TBC1D19: variants seen among roughly 807,000 people sequenced by gnomAD.
The protein encoded by TBC1D19 is TBC1 domain family, member 19.
TBC1D19 carries 60 observed loss-of-function variants against 89.0 expected under a neutral mutation model. The observed-to-expected ratio is 0.67, with a 90% CI of 0.55 to 0.84. The LOEUF is 0.84. Ranked by LOEUF, TBC1D19 falls within the 40% of genes least tolerant of loss-of-function variation. The probability of loss-of-function intolerance (pLI) is 0.00; values close to 1 mark genes in which losing one functional copy is unlikely to be tolerated. For synonymous variants in TBC1D19, 189 were observed against 199.7 expected (o/e 0.95, Z 0.45); for missense variants, 500 against 610.8 (o/e 0.82, Z 1.91).
chr4:26,803,176 A>C, the TBC1D19 span, among the ~76,000 whole-genome samples: 1 of 152,192 alleles, frequency 6.6e-6, no homozygotes, highest in Non-Finnish European at 1.5e-5. Flanking sequence ...CCAAGGATGC[A>C]TTGGGGGTAC....
intron 1 of TBC1D19, among the ~76,000 whole-genome samples, chr4:26,590,807 T>TG (rs1739734568): frequency 8.4e-6 from 1 of 119,656 alleles, no homozygotes. Context: ...TTTTTTTTTT[T>TG]TTTTTTTTTT....
chr4:26,579,503 T>A (rs565838805), upstream of TBC1D19, among the ~76,000 whole-genome samples: 38 of 152,054 alleles, frequency 2.5e-4, 1 homozygote, highest in East Asian at 3.9e-3. Context: ...TTTTTTTTTT[T>A]AAATTTTACT....
intron 7 of TBC1D19, among the ~76,000 whole-genome samples, chr4:26,653,392 T>C (rs1744547179): frequency 6.6e-6 from 1 of 152,108 alleles, no homozygotes; most frequent in Non-Finnish European, 1.5e-5. Context: ...GTCCGCTTGG[T>C]GCAGAGCTGA....
chr4:26,704,865 C>T (rs753823861), intron 13 of TBC1D19, among the ~76,000 whole-genome samples: 1 of 152,056 alleles, frequency 6.6e-6, no homozygotes. Flanking sequence ...AGTGACTATA[C>T]CATTTTATAT....
At chr4:26,678,448 T>C (rs1038893325) in intron 11 of TBC1D19, among the ~76,000 whole-genome samples, 6 of 152,096 alleles carry the variant, frequency 3.9e-5, no homozygotes, top group African/African-American at 9.7e-5. Context: ...GAGCGAGGTA[T>C]TGAGAAGTAC....
In TBC1D19 at chr4:26,755,080, A is replaced by T. The variant is rs532577832; in HGVS notation, c.*133A>T. On this transcript the variant is annotated 3_prime_UTR_variant, in exon 21 of 21. Coordinates refer to ENST00000264866, the MANE Select transcript of TBC1D19 (RefSeq NM_018317.4). Reference sequence around the variant, plus strand: ...AAGATCATGTTCCCTCTTCAGTTAAACCTAAGTAGTTTCTCACTTTTTGAA... The same window carrying T: ...AAGATCATGTTCCCTCTTCAGTTAATCCTAAGTAGTTTCTCACTTTTTGAA... The T allele has an allele frequency of 1.3e-5, 9 of 689,190 alleles. No homozygotes were observed. The African/African-American group carries it at 1.5e-4, about 11-fold the overall frequency. 42.7% of individuals were successfully genotyped at this position (689,190 alleles called of 1,614,324 possible).
At chr4:26,753,929 T>C (rs1434020702) in intron 20 of TBC1D19, 39 bp downstream of exon 20, 4 of 1,609,156 alleles carry the variant, frequency 2.5e-6, no homozygotes, top group Non-Finnish European at 1.7e-6. Context: ...GGAAATAGTT[T>C]CTGAGAGATT....
chr4:26,735,811 G>A (rs1040384754), intron 16 of TBC1D19, among the ~76,000 whole-genome samples: 2 of 152,078 alleles, frequency 1.3e-5, no homozygotes, highest in African/African-American at 2.4e-5. Context: ...GAGGCTGCTG[G>A]CCATCAGAGA....
chr4:26,651,763 G>T (rs556788728), intron 7 of TBC1D19, among the ~76,000 whole-genome samples: 1 of 152,256 alleles, frequency 6.6e-6, no homozygotes, highest in East Asian at 1.9e-4. Flanking sequence ...AATAGGAGTG[G>T]TGAGAGAGGG....
At chr4:26,724,512 A>G (rs1366793724) in intron 15 of TBC1D19, among the ~76,000 whole-genome samples, 3 of 152,194 alleles carry the variant, frequency 2.0e-5, no homozygotes, top group African/African-American at 7.2e-5. Context: ...TATTTTATAC[A>G]GATATTTTTA....
chr4:26,692,820 T>C (rs780675769), intron 13 of TBC1D19, among the ~76,000 whole-genome samples: 64 of 152,178 alleles, frequency 4.2e-4, no homozygotes, highest in Admixed American at 3.3e-4. Context: ...ATACGTTTAA[T>C]TGAATCAGAC....
the TBC1D19 span, among the ~76,000 whole-genome samples, chr4:26,809,582 T>C: frequency 6.6e-6 from 1 of 152,114 alleles, no homozygotes; most frequent in South Asian, 2.1e-4. Flanking sequence ...CTTAGGGTAG[T>C]AGGGAAGTGG....
the TBC1D19 span, among the ~76,000 whole-genome samples, chr4:26,809,831 C>G: frequency 6.6e-6 from 1 of 152,218 alleles, no homozygotes; most frequent in Non-Finnish European, 1.5e-5. Context: ...TCCATTACCC[C>G]CTTGAGCATG....
At chr4:26,608,431 G>A (rs1184341797) in intron 1 of TBC1D19, among the ~76,000 whole-genome samples, 1 of 152,062 alleles carries the variant, frequency 6.6e-6, no homozygotes, top group Non-Finnish European at 1.5e-5. Flanking sequence ...TCCTAATAGG[G>A]TTTCGATTTC....
At chr4:26,735,214 T>G (rs181268742) in intron 15 of TBC1D19, among the ~76,000 whole-genome samples, 38 of 151,786 alleles carry the variant, frequency 2.5e-4, no homozygotes, top group Admixed American at 1.1e-3. Flanking sequence ...ATTCAAAGCT[T>G]TGATTTCTCA....
the TBC1D19 span, among the ~76,000 whole-genome samples, chr4:26,802,560 C>G: frequency 2.6e-5 from 4 of 152,064 alleles, no homozygotes; most frequent in Admixed American, 2.0e-4. Context: ...CAAGATCTCA[C>G]CACTGCACTC....
At chr4:26,834,267 A>G in the TBC1D19 span, among the ~76,000 whole-genome samples, 1 of 152,216 alleles carries the variant, frequency 6.6e-6, no homozygotes, top group African/African-American at 2.4e-5. Context: ...CTTTATGGCA[A>G]TGTGAGAATG....
intron 15 of TBC1D19, among the ~76,000 whole-genome samples, chr4:26,735,007 T>G (rs1717921882): frequency 6.6e-6 from 1 of 151,168 alleles, no homozygotes; most frequent in African/African-American, 2.4e-5. Flanking sequence ...TATACACATA[T>G]GTATATGTGT....
the TBC1D19 span, among the ~76,000 whole-genome samples, chr4:26,782,541 T>C: frequency 6.6e-6 from 1 of 152,204 alleles, no homozygotes; most frequent in South Asian, 2.1e-4. Context: ...CTTAATTATA[T>C]GTAGTTTTGC....
Sources: allele counts gnomAD v4.1 joint callset (sites outside exome capture counted in the v4.1 genomes callset), GRCh38; gene constraint gnomAD v4.1.1; transcripts MANE v1.5; gene names NCBI Gene and HGNC (gene_info 2026-07-23, HGNC 2026-07-21).